Variants in TPSG1 observed in about 807,000 individuals in gnomAD.
TPSG1 encodes the protein tryptase gamma.
A neutral mutation model predicts 23.8 loss-of-function variants in TPSG1; 43 were observed. That is an observed-to-expected ratio of 1.81 (90% CI 1.42 to 2.33). TPSG1 has a LOEUF of 2.33. Among genes scored for constraint, TPSG1 ranks in the 30% most tolerant of loss-of-function variants. TPSG1 has a pLI of 0.00. For synonymous variants in TPSG1, 302 were observed against 201.3 expected (o/e 1.50, Z -4.23); for missense variants, 623 against 438.6 (o/e 1.42, Z -3.75).
At chr16:1,223,686 C>G (rs2029981057) in intron 2 of TPSG1, 92 bp from the exon 3 acceptor site, 1 of 1,420,418 alleles carries the variant, frequency 7.0e-7, no homozygotes, top group African/African-American at 1.5e-5. Context: ...ACCTCCCTGC[C>G]TTCTTGGGGA....
At position 1,223,599 on chromosome 16, in the gene TPSG1, G is replaced by C. The variant is rs2029972555; in HGVS notation, c.74-5C>G. 1 of 1,537,438 alleles carries C rather than the reference G, an allele frequency of 6.5e-7. No individual in the cohort carries two copies. The highest frequency in any genetic ancestry group is 8.7e-7 in the Non-Finnish European group (1 of 1,145,020). On this transcript the variant is annotated splice_polypyrimidine_tract_variant and splice_region_variant and intron_variant, in intron 2 of 5. Coordinates refer to ENST00000234798, the MANE Select transcript of TPSG1 (RefSeq NM_012467.4). ...AAACCTGCGGCCGGCCACACCCTAA[G>C]TCGAAGGAGGAAGGGGTGCCTGGTG... is the stretch of plus-strand genomic sequence containing the variant.
intron 2 of TPSG1, 23 bp downstream of exon 2, chr16:1,224,579 C>G: frequency 6.2e-7 from 1 of 1,613,718 alleles, no homozygotes. Context: ...CTCCCCCACA[C>G]CCCACACCTG....
In TPSG1 at chr16:1,222,680, C is replaced by T; in HGVS notation, c.483G>A (p.Val161=). 5 of 1,579,812 alleles carry T rather than the reference C, an allele frequency of 3.2e-6. No individual in the cohort carries two copies. The highest frequency in any genetic ancestry group is 4.3e-6 in the Non-Finnish European group (5 of 1,156,694). ...CCTCCCGCGTATAGCCCCAGCCGGTCACCCAGCACCGGATCCCAGGGCAGA... is the reference window on the plus strand; with the variant it reads ...CCTCCCGCGTATAGCCCCAGCCGGTTACCCAGCACCGGATCCCAGGGCAGA... ...DDFCPGIRCW[V]TGWGYTREGE... is the part of the protein sequence containing the mutation. Residue 161 remains valine, a synonymous_variant, in exon 4 of 6, where the codon GTG becomes GTA. Coordinates refer to ENST00000234798, the MANE Select transcript of TPSG1 (RefSeq NM_012467.4).
intron 4 of TPSG1, 148 bp downstream of exon 4, chr16:1,222,504 G>T: frequency 7.7e-7 from 1 of 1,296,550 alleles, no homozygotes; most frequent in Non-Finnish European, 1.1e-6. Context: ...CACACGACAG[G>T]CTTTGAAAAG....
chr16:1,222,278 C>A lies in TPSG1; in HGVS notation c.575G>T (p.Cys192Phe), dbSNP rs368013426. 23 of 1,611,628 alleles carry A rather than the reference C, an allele frequency of 1.4e-5. No individual in the cohort carries two copies. In the African/African-American group the frequency reaches 2.9e-4, roughly 21 times the overall value. ...CCCGGGGCCGGGATAGTCCCGGCGG[C>A]AGGTCTCTGTGTCCACCACGGAGAC... ...VKVSVVDTET[C>F]RRDYPGPGGS... Residue 192 changes from cysteine (C) to phenylalanine (F), a missense_variant, in exon 5 of 6, where the codon TGC becomes TTC. Physicochemically the swap from Cys to Phe is radical, Grantham distance 205 (BLOSUM62 -2). Coordinates refer to ENST00000234798, the MANE Select transcript of TPSG1 (RefSeq NM_012467.4).
rs759471164 is a variant in TPSG1 at position 1,222,065 on chromosome 16, A to G, written c.689T>C (p.Val230Ala). ...DDSGGPLVCQVNGAWVQAGTV... is the reference protein window; with the variant it reads ...DDSGGPLVCQANGAWVQAGTV... ...GCCAGCCTGCACCCAGGCACCGTTC[A>G]CCTGGCAGACCAGAGGCCCCCCGGA... The change falls in exon 6 of 6, where the codon GTG becomes GCG. Residue 230 changes from valine (V) to alanine (A), a missense_variant. Transcript: ENST00000234798. The G allele has an allele frequency of 6.2e-6, 10 of 1,612,640 alleles. No individual in the cohort carries two copies. The highest frequency in any genetic ancestry group is 8.5e-6 in the Non-Finnish European group (10 of 1,179,992).
In TPSG1 at chr16:1,222,740, G is replaced by A; in HGVS notation, c.423C>T (p.Ile141=). ...AGGCCTCCGGGAGGCAGACGGGCAG[G>A]ATCCGGCTGGAGAGGGTCACGGGGA... is the stretch of plus-strand genomic sequence containing the variant. ...LSVPVTLSSR[I]LPVCLPEASD... The change falls in exon 4 of 6, where the codon ATC becomes ATT. Residue 141 remains isoleucine, a synonymous_variant. Transcript: ENST00000234798. The A allele has an allele frequency of 1.2e-6, 2 of 1,611,660 alleles. No homozygotes were observed. Among genetic ancestry groups the A allele is most frequent in the Non-Finnish European group, 1.7e-6 (2 of 1,179,064 alleles).
Position 1,223,480 on chromosome 16 carries a change from C to G in TPSG1, c.188G>C (p.Cys63Ser), listed in dbSNP as rs527919710. ...CTGGGGGCTGAGCAGTGACCCGCCGCACACGTGCACCCTCCGCAGGCGGAG... is the reference window on the plus strand; with the variant it reads ...CTGGGGGCTGAGCAGTGACCCGCCGGACACGTGCACCCTCCGCAGGCGGAG... ...ASLRLRRVHV[C>S]GGSLLSPQWV... Residue 63 changes from cysteine (C) to serine (S), a missense_variant, in exon 3 of 6, where the codon TGC becomes TCC. Physicochemically the swap from Cys to Ser is moderately radical, Grantham distance 112. Transcript: ENST00000234798. The G allele has an allele frequency of 5.7e-6, 9 of 1,584,764 alleles. No individual in the cohort carries two copies. Among genetic ancestry groups the G allele is most frequent in the South Asian group, 1.1e-5 (1 of 87,118 alleles).
In TPSG1 at chr16:1,221,855, CAGG is replaced by C; in HGVS notation, c.896_898del (p.Ser299del). On this transcript the variant is annotated inframe_deletion, in exon 6 of 6. Coordinates refer to ENST00000234798, the MANE Select transcript of TPSG1 (RefSeq NM_012467.4). Reference sequence around the variant, plus strand: ...CAGCAGGCACTTGGCCAGCAGGACACAGGAGACTAGCAGAAGGAAGAGGCCGGG... The same window carrying C: ...CAGCAGGCACTTGGCCAGCAGGACACAGACTAGCAGAAGGAAGAGGCCGGG... The C allele has an allele frequency of 3.1e-6, 5 of 1,611,992 alleles. No homozygotes were observed. Among genetic ancestry groups the C allele is most frequent in the Non-Finnish European group, 4.2e-6 (5 of 1,179,578 alleles).
Position 1,222,199 on chromosome 16 carries a change from G to GC in TPSG1, c.653dup (p.Cys218TrpfsTer27), listed in dbSNP as rs1970529228. The GC allele has an allele frequency of 6.2e-7, 1 of 1,611,326 alleles. No individual in the cohort carries two copies. The highest frequency in any genetic ancestry group is 1.3e-5 in the African/African-American group (1 of 74,918). On this transcript the variant is annotated frameshift_variant, in exon 5 of 6. Coordinates refer to ENST00000234798, the MANE Select transcript of TPSG1 (RefSeq NM_012467.4). LOFTEE classifies it low-confidence loss of function (END_TRUNC). ...TGTCACGGCCTGGCAGGCTCACCTG[G>GC]CAGGCATCCCCGGGGCCCCGGGCAC...
In TPSG1 at chr16:1,225,268, T is replaced by C. The variant is rs937132694; in HGVS notation, c.-16A>G. 1.1e-5 allele frequency: 17 copies of C among 1,558,452 alleles called. No individual in the cohort carries two copies. Among genetic ancestry groups the C allele is most frequent in the Non-Finnish European group, 1.4e-5 (16 of 1,151,694 alleles). ...CAAGGGCCATGGTGTCTGCCCACTGTAGGGAGAAGGAGGGCCAGCCTGACC... is the reference window on the plus strand; with the variant it reads ...CAAGGGCCATGGTGTCTGCCCACTGCAGGGAGAAGGAGGGCCAGCCTGACC... On this transcript the variant is annotated 5_prime_UTR_variant, in exon 1 of 6. Transcript: ENST00000234798.
At position 1,221,936 on chromosome 16, in the gene TPSG1, C is replaced by G. The variant is rs1181663253; in HGVS notation, c.818G>C (p.Gly273Ala). Residue 273 changes from glycine (G) to alanine (A), a missense_variant, in exon 6 of 6, where the codon GGG becomes GCG. Gly to Ala is a moderately conservative substitution (Grantham distance 60). Coordinates refer to ENST00000234798, the MANE Select transcript of TPSG1 (RefSeq NM_012467.4). The stretch of plus-strand genomic sequence containing the variant: ...CCTGGGGTACCCAGACTCTGAGCCC[C>G]CTGATGCTGTGATGTGGCGGCGGAT... ...NWIRRHITAS[G>A]GSESGYPRLP... 23 of 1,611,862 alleles carry G rather than the reference C, an allele frequency of 1.4e-5. No homozygotes were observed. The highest frequency in any genetic ancestry group is 2.0e-5 in the Non-Finnish European group (23 of 1,179,374).
In TPSG1 at chr16:1,222,858, G is replaced by A; in HGVS notation, c.305C>T (p.Pro102Leu). 2.5e-6 allele frequency: 4 copies of A among 1,610,754 alleles called. No homozygotes were observed. The highest frequency in any genetic ancestry group is 3.4e-6 in the Non-Finnish European group (4 of 1,179,236). Residue 102 changes from proline to leucine, a missense_variant, in exon 4 of 6, where the codon CCC (proline) becomes CTC (leucine). Coordinates refer to ENST00000234798, the MANE Select transcript of TPSG1 (RefSeq NM_012467.4). ...HLGELEITLS[P>L]HFSTVRQIIL... ...GATCTGCCTCACGGTGGAGAAGTGGGGAGACAGAGTGATCTCCAGTTCCCC... is the reference window on the plus strand; with the variant it reads ...GATCTGCCTCACGGTGGAGAAGTGGAGAGACAGAGTGATCTCCAGTTCCCC...
chr16:1,223,605 G>A lies in TPSG1; in HGVS notation c.74-11C>T. On this transcript the variant is annotated splice_polypyrimidine_tract_variant and intron_variant, in intron 2 of 5. Transcript: ENST00000234798. ...GCGGCCGGCCACACCCTAAGTCGAAGGAGGAAGGGGTGCCTGGTGGGGATC... is the reference window on the plus strand; with the variant it reads ...GCGGCCGGCCACACCCTAAGTCGAAAGAGGAAGGGGTGCCTGGTGGGGATC... 6.5e-7 allele frequency: 1 copy of A among 1,533,330 alleles called. No individual in the cohort carries two copies. The highest frequency in any genetic ancestry group is 1.7e-4 in the Middle Eastern group (1 of 5,944). The allele number at this position is 1,533,330 out of a possible 1,614,324, so 95.0% of individuals were successfully genotyped here. A position where few individuals can be genotyped will look rare whatever the true frequency, so the allele number is the denominator to read the frequency against.
rs538414930 is a variant in TPSG1, at chr16:1,221,880, C to G, written c.874G>C (p.Gly292Arg). The G allele has an allele frequency of 5.0e-6, 8 of 1,611,680 alleles. No homozygotes were observed. Among genetic ancestry groups the G allele is most frequent in the South Asian group, 3.3e-5 (3 of 90,920 alleles). ...LPLLAGFFLPGLFLLLVSCVL... is the reference protein window; with the variant it reads ...LPLLAGFFLPRLFLLLVSCVL... ...CAGGAGACTAGCAGAAGGAAGAGGCCGGGGAGGAAGAAGCCAGCCAGGAGG... is the reference window on the plus strand; with the variant it reads ...CAGGAGACTAGCAGAAGGAAGAGGCGGGGGAGGAAGAAGCCAGCCAGGAGG... Residue 292 changes from glycine to arginine, a missense_variant, in exon 6 of 6, where the codon GGC becomes CGC. Coordinates refer to ENST00000234798, the MANE Select transcript of TPSG1 (RefSeq NM_012467.4).
chr16:1,223,725 G>T lies in TPSG1; in HGVS notation c.74-131C>A, dbSNP rs369075155. Reference sequence around the variant, plus strand: ...TGCTCTTCAGCTCTCTCGTCTGCCAGACTCTCCCCAGAAGCATCGTGGGTG... The same window carrying T: ...TGCTCTTCAGCTCTCTCGTCTGCCATACTCTCCCCAGAAGCATCGTGGGTG... On this transcript the variant is annotated intron_variant, in intron 2 of 5. Coordinates refer to ENST00000234798, the MANE Select transcript of TPSG1 (RefSeq NM_012467.4). 7.7e-5 allele frequency: 87 copies of T among 1,124,880 alleles called. No individual in the cohort carries two copies. In the African/African-American group the frequency reaches 1.2e-3, roughly 15 times the overall value. 69.7% of individuals were successfully genotyped at this position (1,124,880 alleles called of 1,614,324 possible).
At chr16:1,225,147 C>T (rs963320548) in intron 1 of TPSG1, 60 bp downstream of exon 1, 12 of 1,532,548 alleles carry the variant, frequency 7.8e-6, no homozygotes, top group Admixed American at 2.0e-5. Flanking sequence ...TCACCCCCAT[C>T]AGGGGTCCAG....
chr16:1,223,726 ACT>A, intron 2 of TPSG1, 132 bp from the exon 3 acceptor site: 2 of 1,112,916 alleles, frequency 1.8e-6, no homozygotes, highest in Non-Finnish European at 2.5e-6. Context: ...CGTCTGCCAG[ACT>A]CTCCCCAGAA....
At position 1,221,818 on chromosome 16, in the gene TPSG1, C is replaced by G. The variant is rs146163843; in HGVS notation, c.936G>C (p.Ala312=). The G allele has an allele frequency of 6.2e-6, 10 of 1,609,746 alleles. No homozygotes were observed. Among genetic ancestry groups the G allele is most frequent in the Non-Finnish European group, 2.5e-6 (3 of 1,178,140 alleles). The change falls in exon 6 of 6, where the codon GCG becomes GCC. Residue 312 remains alanine (A), a synonymous_variant. Coordinates refer to ENST00000234798, the MANE Select transcript of TPSG1 (RefSeq NM_012467.4). ...LLAKCLLHPS[A]DGTPFPAPD The stretch of plus-strand genomic sequence containing the variant: ...CAGGGGCGGGGAAGGGAGTACCATC[C>G]GCAGATGGGTGCAGCAGGCACTTGG...
Sources: allele counts gnomAD v4.1 joint callset, GRCh38; gene constraint gnomAD v4.1.1; transcripts MANE v1.5; gene names NCBI Gene and HGNC (gene_info 2026-07-23, HGNC 2026-07-21).